The following ELF2 variants were observed in gnomAD, a reference collection of about 807,000 sequenced individuals.
ELF2 encodes the protein E74 like ETS transcription factor 2, also known as ETS-related transcription factor Elf-2.
A neutral mutation model predicts 54.8 loss-of-function variants in ELF2; 11 were observed. The ratio of observed to expected loss-of-function variants is 0.20; its 90% CI spans 0.13 to 0.33. The LOEUF (loss-of-function observed/expected upper bound fraction) is 0.33. Among genes scored for constraint, ELF2 ranks in the 10% least tolerant of loss-of-function variants. The pLI, the probability that ELF2 is intolerant of heterozygous loss-of-function variation, is 1.00. For missense variants in ELF2, 513 were observed against 703.0 expected (o/e 0.73, Z 3.06); for synonymous variants, 203 against 245.1 (o/e 0.83, Z 1.61).
At chr4:139,091,133 C>T (rs1732530312) in intron 4 of ELF2, among the ~76,000 whole-genome samples, 1 of 152,060 alleles carries the variant, frequency 6.6e-6, no homozygotes, top group Non-Finnish European at 1.5e-5. Context: ...CAGGTTTTCA[C>T]CATGTTAGCC....
intron 4 of ELF2, among the ~76,000 whole-genome samples, chr4:139,120,498 C>T (rs1370193562): frequency 2.0e-5 from 3 of 152,156 alleles, no homozygotes; most frequent in African/African-American, 7.2e-5. Flanking sequence ...CGCAGTGGTA[C>T]TACAATCATA....
intron 1 of ELF2, among the ~76,000 whole-genome samples, chr4:139,152,336 A>G (rs1740085171): frequency 6.6e-6 from 1 of 151,760 alleles, no homozygotes; most frequent in Non-Finnish European, 1.5e-5. Flanking sequence ...TGTAGTCTAC[A>G]CCATTTTTTT....
At chr4:139,134,613 ATTTT>A (rs1737931696) in intron 3 of ELF2, among the ~76,000 whole-genome samples, 5 of 138,570 alleles carry the variant, frequency 3.6e-5, no homozygotes, top group East Asian at 2.0e-4. Context: ...ATTTTATTTT[ATTTT>A]ATTTATTTTA....
chr4:139,071,815 T>A (rs372167044), intron 6 of ELF2, 51 bp downstream of exon 6: 1 of 1,525,846 alleles, frequency 6.6e-7, no homozygotes, highest in African/African-American at 1.4e-5. Context: ...AGGAAAAAGA[T>A]AAGAGAAAAA....
At chr4:139,115,274 G>T (rs1451381285) in intron 4 of ELF2, 67 of 1,601,618 alleles carry the variant, frequency 4.2e-5, no homozygotes, top group Non-Finnish European at 5.3e-5. Flanking sequence ...GCGGTCCCGG[G>T]GGGGGCTCTG....
chr4:139,065,626 A>C (rs1728578153), intron 7 of ELF2, among the ~76,000 whole-genome samples: 1 of 152,236 alleles, frequency 6.6e-6, no homozygotes, highest in African/African-American at 2.4e-5. Context: ...CTTTGAATAC[A>C]GGTTTGACTG....
At chr4:139,064,264 C>A (rs1219695837) in intron 7 of ELF2, among the ~76,000 whole-genome samples, 1 of 152,046 alleles carries the variant, frequency 6.6e-6, no homozygotes, top group Non-Finnish European at 1.5e-5. Context: ...GCAGAGATCA[C>A]GCCACTGCAC....
intron 4 of ELF2, chr4:139,115,481 G>A: frequency 2.4e-6 from 2 of 830,140 alleles, no homozygotes; most frequent in Non-Finnish European, 2.9e-6. Context: ...GGCAGCGGCG[G>A]GGGTGCCCGA....
At chr4:139,108,769 G>A (rs1425247598) in intron 4 of ELF2, among the ~76,000 whole-genome samples, 1 of 151,922 alleles carries the variant, frequency 6.6e-6, no homozygotes, top group Non-Finnish European at 1.5e-5. Context: ...GTAAATGTCC[G>A]TGGGTAGAAA....
chr4:139,096,870 G>A (rs1733343081), intron 4 of ELF2, among the ~76,000 whole-genome samples: 1 of 151,562 alleles, frequency 6.6e-6, no homozygotes, highest in African/African-American at 2.4e-5. Context: ...TTTTTATTCC[G>A]TTGGCCATAT....
At chr4:139,120,562 T>C (rs1736211330) in intron 4 of ELF2, among the ~76,000 whole-genome samples, 1 of 151,960 alleles carries the variant, frequency 6.6e-6, no homozygotes, top group South Asian at 2.1e-4. Context: ...CCTCAGACTC[T>C]CAAGTAGCTA....
intron 4 of ELF2, among the ~76,000 whole-genome samples, chr4:139,083,107 C>G (rs1731372361): frequency 6.6e-6 from 1 of 151,944 alleles, no homozygotes; most frequent in Non-Finnish European, 1.5e-5. Context: ...CCTCAGAGAG[C>G]AGATTGGAAC....
chr4:139,075,127 G>A (rs150186631), intron 4 of ELF2, among the ~76,000 whole-genome samples: 18 of 152,216 alleles, frequency 1.2e-4, no homozygotes, highest in African/African-American at 4.1e-4. Context: ...ATTCTACCAC[G>A]CTTTGTATCT....
At chr4:139,175,544 A>G (rs1354793252) in intron 1 of ELF2, among the ~76,000 whole-genome samples, 1 of 152,234 alleles carries the variant, frequency 6.6e-6, no homozygotes, top group Admixed American at 6.5e-5. Flanking sequence ...TTCCAGTCCT[A>G]TATAAGTCAT....
At chr4:139,122,587 C>T (rs1736493030) in intron 4 of ELF2, among the ~76,000 whole-genome samples, 1 of 152,144 alleles carries the variant, frequency 6.6e-6, no homozygotes. Flanking sequence ...CCACAACCTC[C>T]ACCTCCTGAG....
chr4:139,148,667 T>TA (rs1263860051), intron 1 of ELF2, among the ~76,000 whole-genome samples: 1 of 152,066 alleles, frequency 6.6e-6, no homozygotes, highest in Non-Finnish European at 1.5e-5. Flanking sequence ...TTTTTTTTTT[T>TA]ACCATTGTGA....
chr4:139,160,326 CTT>C (rs1164918072), intron 1 of ELF2, among the ~76,000 whole-genome samples: 4 of 152,302 alleles, frequency 2.6e-5, no homozygotes, highest in South Asian at 4.1e-4. Context: ...TATGTTAACT[CTT>C]TTCTGCACAG....
At chr4:139,106,650 C>G (rs1734438466) in intron 4 of ELF2, among the ~76,000 whole-genome samples, 1 of 150,314 alleles carries the variant, frequency 6.7e-6, no homozygotes, top group Admixed American at 6.7e-5. Context: ...TAAATTATAT[C>G]TGTCACTAGA....
Position 139,082,960 on chromosome 4 carries a change from G to A in ELF2, c.239-9393C>T, listed in dbSNP as rs148492805. Reference sequence around the variant, plus strand: ...GTGGCGCCGCACATCCCCCACCCCTGCGGCCACTTCCGTGTTTACACTCCT... The same window carrying A: ...GTGGCGCCGCACATCCCCCACCCCTACGGCCACTTCCGTGTTTACACTCCT... On this transcript the variant is annotated intron_variant, in intron 4 of 9. Transcript: ENST00000686138. Among the ~76,000 whole-genome samples the A allele has an allele frequency of 1.1e-3, 170 of 152,274 alleles. 2 individuals carry two copies. The East Asian group carries it at 0.03, about 27-fold the overall frequency.
Sources: gnomAD v4.1 joint callset for allele counts (sites outside exome capture counted in the v4.1 genomes callset) on GRCh38, gnomAD v4.1.1 for gene constraint, MANE v1.5 for transcripts, NCBI Gene and HGNC (gene_info 2026-07-23, HGNC 2026-07-21) for gene names.